GLMN: variants seen among roughly 807,000 people sequenced by gnomAD.
GLMN encodes glomulin, FKBP associated protein.
A neutral mutation model predicts 87.8 loss-of-function variants in GLMN; 75 were observed. The ratio of observed to expected loss-of-function variants is 0.85; its 90% confidence interval spans 0.71 to 1.04. The LOEUF is 1.04. Among genes scored for constraint, GLMN ranks in the 50% least tolerant of loss-of-function variants. The probability of loss-of-function intolerance (pLI) is 0.00; values close to 1 mark genes in which losing one functional copy is unlikely to be tolerated. For missense variants in GLMN, 588 were observed against 658.8 expected (o/e 0.89, Z 1.18); for synonymous variants, 206 against 221.6 (o/e 0.93, Z 0.63).
chr1:92,363,640 A>G, the GLMN span: 1 of 257,280 alleles, frequency 3.9e-6, no homozygotes, highest in South Asian at 4.4e-5. Flanking sequence ...TTCTATGCGG[A>G]TATTTTTCCA....
the GLMN span, among the ~76,000 whole-genome samples, chr1:92,367,437 T>C: frequency 1.3e-5 from 2 of 152,232 alleles, no homozygotes; most frequent in Non-Finnish European, 2.9e-5. Flanking sequence ...ATAGTGCCTG[T>C]GCATGTACAC....
intron 16 of GLMN, among the ~76,000 whole-genome samples, chr1:92,254,722 G>C (rs143996608): frequency 0.015 from 2,354 of 152,224 alleles, 31 homozygotes; most frequent in Non-Finnish European, 0.026. Flanking sequence ...AGAGATTTTT[G>C]TCACCACCAG....
At chr1:92,359,558 G>T in the GLMN span, among the ~76,000 whole-genome samples, 1 of 152,154 alleles carries the variant, frequency 6.6e-6, no homozygotes, top group Non-Finnish European at 1.5e-5. Context: ...GACCTCAGAT[G>T]ATTCACCCGC....
chr1:92,246,534 T>C lies in GLMN; in HGVS notation c.1781A>G (p.Lys594Arg). 1 of 1,279,824 alleles carries C rather than the reference T, an allele frequency of 7.8e-7. No homozygotes were observed. The highest frequency in any genetic ancestry group is 1.1e-6 in the Non-Finnish European group (1 of 875,326). The allele number at this position is 1,279,824 out of a possible 1,614,324, so 79.3% of individuals were successfully genotyped here. A position where few individuals can be genotyped will look rare whatever the true frequency, so the allele number is the denominator to read the frequency against. Residue 594 changes from lysine to arginine, a missense_variant, in exon 19 of 19, where the codon AAG becomes AGG. Lys to Arg is a conservative substitution (Grantham distance 26). Transcript: ENST00000370360. ...KSTSEENIGIK is the reference protein window; with the variant it reads ...KSTSEENIGIR ...TTTATTTAGGAAATGGAACTTTCAC[T>C]TTATCCCAATATTTTCTTCAGAGGT...
At position 92,289,085 on chromosome 1, in the gene GLMN, A is replaced by G. The variant is rs1169144338; in HGVS notation, c.461T>C (p.Leu154Pro). 21 of 1,612,176 alleles carry G rather than the reference A, an allele frequency of 1.3e-5. No homozygotes were observed. Among genetic ancestry groups the G allele is most frequent in the Non-Finnish European group, 1.8e-5 (21 of 1,178,270 alleles). ...GLALSTLWNQ[L>P]SLLPVPYSKE... ...TGAGTATGGAACAGGAAGAAGAGAT[A>G]GCTGATTCCAAAGGGTAGACAATGC... Residue 154 changes from leucine to proline, a missense_variant, in exon 6 of 19, where the codon CTA becomes CCA. By Grantham distance (98) the Leu-to-Pro change is moderately conservative. Coordinates refer to ENST00000370360, the MANE Select transcript of GLMN (RefSeq NM_053274.3).
chr1:92,317,765 C>T, the GLMN span, among the ~76,000 whole-genome samples: 864 of 152,188 alleles, frequency 5.7e-3, 7 homozygotes, highest in African/African-American at 0.018. Flanking sequence ...TTTCCCTTGC[C>T]TTCTTTAAAG....
chr1:92,248,782 CAT>C (rs112148982), intron 16 of GLMN, among the ~76,000 whole-genome samples: 8,204 of 152,162 alleles, frequency 0.054, 576 homozygotes, highest in African/African-American at 0.17. Flanking sequence ...AAAATCTACA[CAT>C]GTCTATGCTG....
chr1:92,299,090 G>T, upstream of GLMN: 2 of 1,518,378 alleles, frequency 1.3e-6, no homozygotes, highest in Non-Finnish European at 8.9e-7. Context: ...GACTTCGCTG[G>T]GCCGTCTTCT....
At chr1:92,322,007 G>A in the GLMN span, among the ~76,000 whole-genome samples, 68 of 145,312 alleles carry the variant, frequency 4.7e-4, no homozygotes, top group Middle Eastern at 3.4e-3. Flanking sequence ...ATGCAGTGGC[G>A]CGATCTCGGC....
chr1:92,263,831 A>G lies in GLMN; in HGVS notation c.1300-99T>C, dbSNP rs1655305901. 5.2e-6 allele frequency: 4 copies of G among 767,232 alleles called. No individual in the cohort carries two copies. The Admixed American group carries it at 5.3e-5, about 10-fold the overall frequency. 47.5% of individuals were successfully genotyped at this position (767,232 alleles called of 1,614,324 possible). ...TACAAAAATGAAGAATTGCACATTT[A>G]AAATACAGTTTTTAACTTTAATTTC... On this transcript the variant is annotated intron_variant, in intron 14 of 18. Transcript: ENST00000370360.
At chr1:92,346,109 C>T in the GLMN span, among the ~76,000 whole-genome samples, 1 of 151,682 alleles carries the variant, frequency 6.6e-6, no homozygotes, top group Admixed American at 6.6e-5. Context: ...ATATTTTTTA[C>T]CATCTTTTCT....
At chr1:92,324,447 C>T in the GLMN span, 2 of 1,150,594 alleles carry the variant, frequency 1.7e-6, no homozygotes, top group Non-Finnish European at 2.5e-6. Context: ...AATCTTGGAG[C>T]AGGAAGGATA....
At chr1:92,369,471 A>G in the GLMN span, among the ~76,000 whole-genome samples, 3 of 152,052 alleles carry the variant, frequency 2.0e-5, no homozygotes, top group South Asian at 6.2e-4. Flanking sequence ...CACTCAACTA[A>G]TTTTTTTATT....
At chr1:92,316,392 T>C in the GLMN span, among the ~76,000 whole-genome samples, 2 of 152,172 alleles carry the variant, frequency 1.3e-5, no homozygotes, top group African/African-American at 4.8e-5. Context: ...TTTGAAAAGT[T>C]CTCACCATAC....
chr1:92,297,340 T>A, intron 3 of GLMN, 64 bp downstream of exon 3: 1 of 1,590,152 alleles, frequency 6.3e-7, no homozygotes, highest in Non-Finnish European at 8.6e-7. Flanking sequence ...AATGACTGGA[T>A]GAATAGCATC....
intron 10 of GLMN, 25 bp downstream of exon 10, chr1:92,268,080 G>A (rs1184509125): frequency 7.6e-6 from 11 of 1,441,260 alleles, no homozygotes; most frequent in Non-Finnish European, 1.1e-5. Flanking sequence ...ATGTATTTAA[G>A]TTATAATGGG....
At chr1:92,323,864 C>T in the GLMN span, 1 of 1,613,932 alleles carries the variant, frequency 6.2e-7, no homozygotes, top group East Asian at 2.2e-5. Context: ...TCAGAAAATT[C>T]TGAAAGTGAA....
intron 16 of GLMN, among the ~76,000 whole-genome samples, chr1:92,254,669 A>G (rs1653994620): frequency 6.6e-6 from 1 of 152,200 alleles, no homozygotes; most frequent in Admixed American, 6.5e-5. Flanking sequence ...TAAGCTTCAT[A>G]AGTGAAGGAG....
At chr1:92,341,899 T>C in the GLMN span, among the ~76,000 whole-genome samples, 1 of 152,240 alleles carries the variant, frequency 6.6e-6, no homozygotes, top group African/African-American at 2.4e-5. Context: ...TGCCTTGGCC[T>C]CCCAACGTGC....
Sources: gnomAD v4.1 joint callset for allele counts (sites outside exome capture counted in the v4.1 genomes callset) on GRCh38, gnomAD v4.1.1 for gene constraint, MANE v1.5 for transcripts, NCBI Gene and HGNC (gene_info 2026-07-23, HGNC 2026-07-21) for gene names.